The following IP6K1 variants were observed in gnomAD, a reference collection of about 807,000 sequenced individuals.
IP6K1 encodes the protein inositol hexakisphosphate kinase 1.
Under a neutral mutation model 38.3 loss-of-function variants are expected in IP6K1, and 13 were observed. The ratio of observed to expected loss-of-function variants is 0.34; its 90% CI spans 0.22 to 0.54. The LOEUF is 0.54. IP6K1 is among the 20% of genes least tolerant of loss of function. The pLI, the probability that IP6K1 is intolerant of heterozygous loss-of-function variation, is 0.92. For synonymous variants in IP6K1, 212 were observed against 229.9 expected, an observed-to-expected ratio of 0.92 and a Z score of 0.70; for missense variants, 397 against 599.8, an observed-to-expected ratio of 0.66 and a Z score of 3.53.
chr3:49,756,095 A>G (rs2080820018), intron 1 of IP6K1, among the ~76,000 whole-genome samples: 1 of 152,192 alleles, frequency 6.6e-6, no homozygotes, highest in African/African-American at 2.4e-5. Context: ...CTGGGAGAAG[A>G]AAGAGAGGGA....
intron 1 of IP6K1, among the ~76,000 whole-genome samples, chr3:49,780,708 G>A (rs2081058123): frequency 6.6e-6 from 1 of 152,202 alleles, no homozygotes; most frequent in African/African-American, 2.4e-5. Context: ...ACTTTAACCA[G>A]GAAGGGCTCT....
intron 1 of IP6K1, among the ~76,000 whole-genome samples, chr3:49,755,933 C>T (rs2080818773): frequency 6.6e-6 from 1 of 152,136 alleles, no homozygotes; most frequent in Non-Finnish European, 1.5e-5. Context: ...TGAGAGAGAA[C>T]AATCCTCCTG....
intron 1 of IP6K1, among the ~76,000 whole-genome samples, chr3:49,764,081 AT>A (rs1358861518): frequency 6.6e-6 from 1 of 151,998 alleles, no homozygotes; most frequent in Non-Finnish European, 1.5e-5. Context: ...AATAAAGGGT[AT>A]TTATGAAAAC....
intron 1 of IP6K1, among the ~76,000 whole-genome samples, chr3:49,784,409 G>A (rs2081093151): frequency 6.6e-6 from 1 of 152,136 alleles, no homozygotes. Context: ...CACTTTGGGA[G>A]GCCAAGGCAG....
chr3:49,757,087 A>G (rs1280328127), intron 1 of IP6K1, among the ~76,000 whole-genome samples: 1 of 152,180 alleles, frequency 6.6e-6, no homozygotes, highest in Non-Finnish European at 1.5e-5. Context: ...AGCACTTAAA[A>G]TTAAACTGTC....
At chr3:49,752,564 C>G (rs2080787860) in intron 1 of IP6K1, among the ~76,000 whole-genome samples, 1 of 151,624 alleles carries the variant, frequency 6.6e-6, no homozygotes, top group African/African-American at 2.4e-5. Flanking sequence ...TCTTGTTGCT[C>G]AGGCTGGAGT....
chr3:49,785,634 T>C (rs1407724669), intron 1 of IP6K1: 3 of 152,238 alleles, frequency 2.0e-5, no homozygotes, highest in Admixed American at 1.3e-4. Flanking sequence ...AGCATCCCTT[T>C]AGGAGATAAA....
rs919414243 is a variant in IP6K1, at chr3:49,729,691, A to T, written c.617-1413T>A. On this transcript the variant is annotated intron_variant, in intron 4 of 5. Coordinates refer to ENST00000321599, the MANE Select transcript of IP6K1 (RefSeq NM_153273.4). ...CCAAAGTGCTGGGATTACAGGCGAG[A>T]GTTACTGTGCCCAGCCTTATTATTA... Among the ~76,000 whole-genome samples, 29 of 151,150 alleles carry T rather than the reference A, an allele frequency of 1.9e-4. 1 individual carries two copies.
intron 1 of IP6K1, among the ~76,000 whole-genome samples, chr3:49,780,106 G>A (rs1033845953): frequency 3.3e-5 from 5 of 151,890 alleles, no homozygotes; most frequent in Non-Finnish European, 5.9e-5. Context: ...TATATAATGA[G>A]ACAGGAATAA....
rs34207764 is a variant in IP6K1 at position 49,765,478 on chromosome 3, TA to T, written c.-128-17311del. 2.7e-3 allele frequency among the ~76,000 whole-genome samples: 295 copies of T among 108,442 alleles called. 1 individual carries two copies. The South Asian group carries it at 0.032, about 12-fold the overall frequency. 71.1% of individuals were successfully genotyped at this position (108,442 alleles called of 152,430 possible). A position where few individuals can be genotyped will look rare whatever the true frequency, so the allele number is the denominator to read the frequency against. Reference sequence around the variant, plus strand: ...AACATGGTCAAACTCTGTTTCTACTTAAAAAAAAAAAAAAAAAAAAAATTAG... The same window carrying T: ...AACATGGTCAAACTCTGTTTCTACTTAAAAAAAAAAAAAAAAAAAAATTAG... On this transcript the variant is annotated intron_variant, in intron 1 of 5. Coordinates refer to ENST00000321599, the MANE Select transcript of IP6K1 (RefSeq NM_153273.4).
chr3:49,738,808 T>C (rs751538355), intron 2 of IP6K1, among the ~76,000 whole-genome samples: 8 of 152,198 alleles, frequency 5.3e-5, no homozygotes, highest in Non-Finnish European at 7.4e-5. Context: ...TGTCCTCCTT[T>C]AGATCTAGTT....
chr3:49,765,634 G>C lies in IP6K1; in HGVS notation c.-128-17466C>G, dbSNP rs540752859. 1.0e-3 allele frequency among the ~76,000 whole-genome samples: 142 copies of C among 137,014 alleles called. 1 individual carries two copies. The highest frequency in any genetic ancestry group is 1.9e-3 in the Non-Finnish European group (121 of 64,574). 89.9% of individuals were successfully genotyped at this position (137,014 alleles called of 152,430 possible). On this transcript the variant is annotated intron_variant, in intron 1 of 5. Coordinates refer to ENST00000321599, the MANE Select transcript of IP6K1 (RefSeq NM_153273.4). ...CTGCACTCCAGCCTGGCAACAGAGC[G>C]AGACTCGTCTTAAAAAAAAAAAAAA...
In IP6K1 at chr3:49,725,238, GGGAGGCACA is replaced by G. The variant is rs1407339932; in HGVS notation, c.*1875_*1883del. The G allele has an allele frequency of 1.3e-5, 2 of 152,638 alleles. No individual in the cohort carries two copies. Among genetic ancestry groups the G allele is most frequent in the East Asian group, 3.8e-4 (2 of 5,196 alleles). The allele number at this position is 152,638 out of a possible 1,614,324, so 9.5% of individuals were successfully genotyped here. ...CTCTCCTCCCAGAATCGAGGAATCT[GGGAGGCACA>G]GGACATCCCCAAAAGGTCCCAAACA... On this transcript the variant is annotated 3_prime_UTR_variant, in exon 6 of 6. Coordinates refer to ENST00000321599, the MANE Select transcript of IP6K1 (RefSeq NM_153273.4).
chr3:49,756,392 T>A (rs2080822987), intron 1 of IP6K1, among the ~76,000 whole-genome samples: 1 of 152,186 alleles, frequency 6.6e-6, no homozygotes, highest in Non-Finnish European at 1.5e-5. Context: ...CCTAAATACA[T>A]TTTTTAGTAA....
chr3:49,758,314 C>CAA (rs11359274), intron 1 of IP6K1, among the ~76,000 whole-genome samples: 733 of 53,000 alleles, frequency 0.014, 9 homozygotes, highest in Admixed American at 0.014. Context: ...GACTCCATCT[C>CAA]AAAAAAAAAA....
At chr3:49,775,885 G>C (rs2081004349) in intron 1 of IP6K1, among the ~76,000 whole-genome samples, 1 of 151,806 alleles carries the variant, frequency 6.6e-6, no homozygotes, top group Admixed American at 6.6e-5. Context: ...GCAAAGATCT[G>C]TTCTCCATAT....
chr3:49,762,536 C>T (rs547044632), intron 1 of IP6K1, among the ~76,000 whole-genome samples: 5 of 151,792 alleles, frequency 3.3e-5, no homozygotes, highest in African/African-American at 1.2e-4. Context: ...GGCAACAGAG[C>T]GAGACTCTGT....
At chr3:49,757,049 T>C (rs541934746) in intron 1 of IP6K1, among the ~76,000 whole-genome samples, 7 of 152,178 alleles carry the variant, frequency 4.6e-5, no homozygotes, top group Admixed American at 2.0e-4. Flanking sequence ...ATGGGAGAAA[T>C]GGTTCTAAAA....
At chr3:49,728,606 C>T (rs542883856) in intron 4 of IP6K1, among the ~76,000 whole-genome samples, 2 of 152,032 alleles carry the variant, frequency 1.3e-5, no homozygotes, top group African/African-American at 4.8e-5. Flanking sequence ...AACGGAGTCT[C>T]GCTCTGTTAC....
Sources: allele counts gnomAD v4.1 joint callset (sites outside exome capture counted in the v4.1 genomes callset), GRCh38; gene constraint gnomAD v4.1.1; transcripts MANE v1.5; gene names NCBI Gene and HGNC (gene_info 2026-07-23, HGNC 2026-07-21).